The following DSCAM variants were observed in gnomAD, a reference collection of about 807,000 sequenced individuals.
DSCAM encodes cell adhesion molecule DSCAM.
In DSCAM, 47 loss-of-function variants were observed where a neutral mutation model predicts 217.7. That is an observed-to-expected ratio of 0.22 (90% CI 0.17 to 0.28). DSCAM has a LOEUF of 0.28. Among genes scored for constraint, DSCAM ranks in the 10% least tolerant of loss-of-function variants. DSCAM has a pLI of 1.00. For missense variants in DSCAM, 2,080 were observed against 2,618.3 expected, an observed-to-expected ratio of 0.79 and a Z score of 4.49; for synonymous variants, 1,056 against 1,015.3, an observed-to-expected ratio of 1.04 and a Z score of -0.76.
intron 1 of DSCAM, among the ~76,000 whole-genome samples, chr21:40,747,407 A>G (rs752418317): frequency 2.0e-5 from 3 of 151,840 alleles, no homozygotes; most frequent in Non-Finnish European, 1.5e-5. Context: ...TTAAAGGACC[A>G]TAAGAGCCTA....
intron 11 of DSCAM, among the ~76,000 whole-genome samples, chr21:40,191,202 C>T (rs1409175687): frequency 6.6e-6 from 1 of 152,134 alleles, no homozygotes; most frequent in Non-Finnish European, 1.5e-5. Flanking sequence ...TATAATGAAA[C>T]GTCAAAATAC....
At position 40,339,544 on chromosome 21, in the gene DSCAM, C is replaced by T. The variant is rs2123593117; in HGVS notation, c.1211-129G>A. The stretch of plus-strand genomic sequence containing the variant: ...ACATTACCAAAAAGGTCTGGTTTTC[C>T]TGATAAAGCAAAACGTTAATCAGAA... On this transcript the variant is annotated intron_variant, in intron 6 of 32. Transcript: ENST00000400454. The T allele has an allele frequency of 5.4e-6, 5 of 931,336 alleles. No homozygotes were observed. The South Asian group carries it at 8.8e-5, about 16-fold the overall frequency. 57.7% of individuals were successfully genotyped at this position (931,336 alleles called of 1,614,324 possible). A position where few individuals can be genotyped will look rare whatever the true frequency, so the allele number is the denominator to read the frequency against.
intron 1 of DSCAM, among the ~76,000 whole-genome samples, chr21:40,843,319 G>A (rs1406249075): frequency 6.6e-6 from 1 of 151,588 alleles, no homozygotes; most frequent in Non-Finnish European, 1.5e-5. Context: ...GGATGCAGTA[G>A]AACTGAAAAT....
intron 3 of DSCAM, among the ~76,000 whole-genome samples, chr21:40,448,670 C>T (rs146639610): frequency 7.0e-4 from 106 of 152,210 alleles, no homozygotes; most frequent in Middle Eastern, 3.4e-3. Context: ...ATCTAATCTT[C>T]TACTGGCTCT....
chr21:40,585,331 T>G (rs2076937150), intron 3 of DSCAM, among the ~76,000 whole-genome samples: 5 of 51,206 alleles, frequency 9.8e-5, no homozygotes, highest in Non-Finnish European at 1.5e-4. Flanking sequence ...TAAAGAAAAA[T>G]GCTGCGTGAA....
At chr21:40,382,182 T>C (rs1213965258) in intron 3 of DSCAM, among the ~76,000 whole-genome samples, 2 of 152,218 alleles carry the variant, frequency 1.3e-5, no homozygotes, top group Non-Finnish European at 2.9e-5. Context: ...TATTTCTGCA[T>C]TTTAAATTAA....
chr21:40,542,507 G>T (rs1296922619), intron 3 of DSCAM, among the ~76,000 whole-genome samples: 2 of 152,198 alleles, frequency 1.3e-5, no homozygotes, highest in Non-Finnish European at 2.9e-5. Context: ...AGGTCGTGAG[G>T]GTGGGACCCT....
chr21:40,356,228 T>C (rs965074462), intron 4 of DSCAM, among the ~76,000 whole-genome samples: 3 of 152,176 alleles, frequency 2.0e-5, no homozygotes, highest in African/African-American at 7.2e-5. Flanking sequence ...AGAGGTTTAC[T>C]ATGCAGCACA....
intron 3 of DSCAM, among the ~76,000 whole-genome samples, chr21:40,563,252 T>C (rs1238958723): frequency 6.6e-6 from 1 of 152,068 alleles, no homozygotes; most frequent in African/African-American, 2.4e-5. Flanking sequence ...TTCTCTGTCC[T>C]TGCTAAACAA....
chr21:40,767,016 G>A (rs1569026465), intron 1 of DSCAM, among the ~76,000 whole-genome samples: 1 of 152,168 alleles, frequency 6.6e-6, no homozygotes, highest in East Asian at 1.9e-4. Flanking sequence ...ATGGTTCTTT[G>A]TTTTAAAAGA....
At chr21:40,845,158 G>T (rs1157213202) in intron 1 of DSCAM, among the ~76,000 whole-genome samples, 1 of 152,100 alleles carries the variant, frequency 6.6e-6, no homozygotes, top group African/African-American at 2.4e-5. Flanking sequence ...GGGAAAGATG[G>T]GTGTCTTGTC....
At chr21:40,274,820 A>AT (rs961614127) in intron 11 of DSCAM, among the ~76,000 whole-genome samples, 58 of 152,162 alleles carry the variant, frequency 3.8e-4, no homozygotes, top group African/African-American at 1.3e-3. Context: ...AAACACTTGG[A>AT]TTTTTTTTGT....
chr21:40,020,255 G>T (rs2088238541), intron 32 of DSCAM, among the ~76,000 whole-genome samples: 1 of 152,170 alleles, frequency 6.6e-6, no homozygotes, highest in Non-Finnish European at 1.5e-5. Context: ...CTTCCGCCAT[G>T]ATTGTGAGGC....
intron 1 of DSCAM, among the ~76,000 whole-genome samples, chr21:40,825,019 T>C (rs1387402637): frequency 6.6e-6 from 1 of 152,238 alleles, no homozygotes; most frequent in African/African-American, 2.4e-5. Context: ...TTTTAGAAGC[T>C]GTGAGCATGT....
At chr21:40,279,060 A>G (rs2837550) in intron 10 of DSCAM, among the ~76,000 whole-genome samples, 5,478 of 152,326 alleles carry the variant, frequency 0.036, 316 homozygotes, top group African/African-American at 0.12. Flanking sequence ...ATGAATTTTC[A>G]TAAAATGATT....
intron 3 of DSCAM, among the ~76,000 whole-genome samples, chr21:40,518,585 T>C (rs1248280820): frequency 3.3e-5 from 3 of 89,582 alleles, no homozygotes; most frequent in Non-Finnish European, 5.7e-5. Context: ...TACACACACA[T>C]ATACACACAC....
In DSCAM at chr21:40,338,113, C is replaced by T. The variant is rs376716215; in HGVS notation, c.1771G>A (p.Val591Met). The stretch of plus-strand genomic sequence containing the variant: ...GAACAGGGCTTACCTTTCACGGTCA[C>T]GTGGACGCTCTGGCTGGTGGAGAGT... ...PQLSTSQSVH[V>M]TVKVPPFIQP... Residue 591 changes from valine to methionine, a missense_variant, in exon 8 of 33, where the codon GTG (valine) becomes ATG (methionine). Coordinates refer to ENST00000400454, the MANE Select transcript of DSCAM (RefSeq NM_001389.5). 4 of 1,613,986 alleles carry T rather than the reference C, an allele frequency of 2.5e-6. No individual in the cohort carries two copies. The highest frequency in any genetic ancestry group is 1.1e-5 in the South Asian group (1 of 91,080).
intron 1 of DSCAM, among the ~76,000 whole-genome samples, chr21:40,830,115 C>A (rs750191995): frequency 1.3e-5 from 2 of 152,102 alleles, no homozygotes; most frequent in Non-Finnish European, 2.9e-5. Context: ...TAAAGAAAGG[C>A]GGTTTCATTG....
intron 3 of DSCAM, among the ~76,000 whole-genome samples, chr21:40,398,603 G>A (rs1238660462): frequency 3.3e-5 from 5 of 151,358 alleles, no homozygotes; most frequent in African/African-American, 1.2e-4. Flanking sequence ...TCTCCACTGT[G>A]AAATTAGAAG....
Sources: gnomAD v4.1 joint callset for allele counts (sites outside exome capture counted in the v4.1 genomes callset) on GRCh38, gnomAD v4.1.1 for gene constraint, MANE v1.5 for transcripts, NCBI Gene and HGNC (gene_info 2026-07-23, HGNC 2026-07-21) for gene names.